NIPAL2: variants seen among roughly 807,000 people sequenced by gnomAD.
NIPAL2 encodes NIPA-like protein 2.
A neutral mutation model predicts 48.9 loss-of-function variants in NIPAL2; 43 were observed. That is an observed-to-expected ratio of 0.88 (90% CI 0.69 to 1.13). The LOEUF is 1.13. NIPAL2 is among the 50% of genes most tolerant of loss of function. The pLI is 0.00. For synonymous variants in NIPAL2, 167 were observed against 174.6 expected (o/e 0.96, Z 0.34); for missense variants, 446 against 461.4 (o/e 0.97, Z 0.31).
chr8:98,284,670 C>T (rs549419568), intron 1 of NIPAL2, among the ~76,000 whole-genome samples: 3 of 152,188 alleles, frequency 2.0e-5, no homozygotes, highest in East Asian at 1.9e-4. Flanking sequence ...AGCCCTGGAA[C>T]GATCAGAGCC....
chr8:98,273,698 C>T (rs1470205793), intron 1 of NIPAL2, among the ~76,000 whole-genome samples: 8 of 151,904 alleles, frequency 5.3e-5, no homozygotes, highest in South Asian at 2.1e-4. Context: ...AAATATATTT[C>T]TTCCTTAGAT....
rs563540314 is a variant in NIPAL2 at position 98,259,221 on chromosome 8, C to T, written c.136-5134G>A. Among the ~76,000 whole-genome samples, 22 of 150,358 alleles carry T rather than the reference C, an allele frequency of 1.5e-4. No homozygotes were observed. In the East Asian group the frequency reaches 1.8e-3, roughly 12 times the overall value. ...CCTCCCGTGTAGCTGGGACTACAGGCGCGCGCCACCATGCCCGGCTAATTT... is the reference window on the plus strand; with the variant it reads ...CCTCCCGTGTAGCTGGGACTACAGGTGCGCGCCACCATGCCCGGCTAATTT... On this transcript the variant is annotated intron_variant, in intron 1 of 10. Transcript: ENST00000430223.
chr8:98,251,641 A>G (rs1228525509), intron 3 of NIPAL2: 1 of 152,242 alleles, frequency 6.6e-6, no homozygotes. Context: ...ACATCGTTTC[A>G]GTTTAAATGA....
intron 4 of NIPAL2, among the ~76,000 whole-genome samples, chr8:98,223,971 C>T (rs1035682029): frequency 1.3e-5 from 2 of 151,988 alleles, no homozygotes; most frequent in African/African-American, 2.4e-5. Flanking sequence ...GGAAGAGATT[C>T]AAAAAAACTG....
chr8:98,234,163 A>G (rs1444913724), intron 4 of NIPAL2, among the ~76,000 whole-genome samples: 2 of 152,170 alleles, frequency 1.3e-5, no homozygotes, highest in African/African-American at 2.4e-5. Flanking sequence ...ACAATGAAGA[A>G]TGATCTGGCC....
At chr8:98,235,784 T>G (rs1812678588) in intron 4 of NIPAL2, among the ~76,000 whole-genome samples, 1 of 151,762 alleles carries the variant, frequency 6.6e-6, no homozygotes. Context: ...CTAAAGTATT[T>G]GTATTTTAAT....
rs188687948 is a variant in NIPAL2, at chr8:98,284,967, G to A, written c.135+9036C>T. Among the ~76,000 whole-genome samples the A allele has an allele frequency of 1.5e-3, 222 of 152,280 alleles. 1 individual carries two copies. Among genetic ancestry groups the A allele is most frequent in the Non-Finnish European group, 2.4e-3 (165 of 68,018 alleles). Reference sequence around the variant, plus strand: ...ATTTTTCTATCAGTAAGAATAAGTAGAGGCCTTTCTAGAATTCCTTGGGGG... The same window carrying A: ...ATTTTTCTATCAGTAAGAATAAGTAAAGGCCTTTCTAGAATTCCTTGGGGG... On this transcript the variant is annotated intron_variant, in intron 1 of 10. Coordinates refer to ENST00000430223, the MANE Select transcript of NIPAL2 (RefSeq NM_001321635.2).
chr8:98,267,887 T>G (rs1427059084), intron 1 of NIPAL2, among the ~76,000 whole-genome samples: 1 of 152,180 alleles, frequency 6.6e-6, no homozygotes, highest in Non-Finnish European at 1.5e-5. Context: ...TTTAGAGATT[T>G]AAAATTAGCC....
intron 8 of NIPAL2, among the ~76,000 whole-genome samples, chr8:98,198,949 TTTTTC>T (rs1400237273): frequency 2.0e-5 from 3 of 151,574 alleles, no homozygotes; most frequent in Admixed American, 1.3e-4. Flanking sequence ...TTTCTTTTTC[TTTTTC>T]TTTTCTTTTT....
rs575912497 is a variant in NIPAL2 at position 98,220,567 on chromosome 8, C to A, written c.558+1912G>T. Among the ~76,000 whole-genome samples the A allele has an allele frequency of 5.3e-5, 8 of 152,134 alleles. No individual in the cohort carries two copies. In the South Asian group the frequency reaches 1.0e-3, roughly 20 times the overall value. ...GGGACTGCAGGTGCATACTACCATG[C>A]CTGGCTAATTTTTAAAATTATTTGT... On this transcript the variant is annotated intron_variant, in intron 5 of 10. Transcript: ENST00000430223.
At chr8:98,264,206 T>C (rs1174121749) in intron 1 of NIPAL2, among the ~76,000 whole-genome samples, 87 of 143,506 alleles carry the variant, frequency 6.1e-4, no homozygotes, top group African/African-American at 2.1e-3. Context: ...AGCATTCCCT[T>C]TGAAAACTGG....
chr8:98,273,847 T>G (rs1815294464), intron 1 of NIPAL2, among the ~76,000 whole-genome samples: 1 of 152,106 alleles, frequency 6.6e-6, no homozygotes, highest in African/African-American at 2.4e-5. Flanking sequence ...CTAAGTACAC[T>G]GTCTGTCTCA....
intron 1 of NIPAL2, among the ~76,000 whole-genome samples, chr8:98,285,811 A>G (rs576174306): frequency 6.6e-6 from 1 of 152,258 alleles, no homozygotes; most frequent in South Asian, 2.1e-4. Flanking sequence ...TTCAAAGACC[A>G]GAAGAGAGAC....
At chr8:98,196,594 C>G (rs1810563860) in intron 8 of NIPAL2, among the ~76,000 whole-genome samples, 1 of 152,262 alleles carries the variant, frequency 6.6e-6, no homozygotes, top group African/African-American at 2.4e-5. Context: ...CAAAGGTAAA[C>G]AAGGATGCAT....
At chr8:98,243,002 G>A (rs576228148) in intron 3 of NIPAL2, among the ~76,000 whole-genome samples, 2 of 152,210 alleles carry the variant, frequency 1.3e-5, no homozygotes, top group Admixed American at 6.5e-5. Flanking sequence ...CCAAAGGGTG[G>A]TTCTGTAGGA....
chr8:98,290,976 T>C (rs115147870), intron 1 of NIPAL2, among the ~76,000 whole-genome samples: 334 of 152,334 alleles, frequency 2.2e-3, no homozygotes, highest in African/African-American at 7.7e-3. Flanking sequence ...TTGAAGCCTC[T>C]CTGCTGGTCA....
In NIPAL2 at chr8:98,196,095, T is replaced by C. The variant is rs1005547545; in HGVS notation, c.881-90A>G. On this transcript the variant is annotated intron_variant, in intron 8 of 10. Coordinates refer to ENST00000430223, the MANE Select transcript of NIPAL2 (RefSeq NM_001321635.2). ...TGTTTGTAAAATTATGTTAATATGT[T>C]ATTTTTTCAAAGTAAATTTAGTCAT... is the stretch of plus-strand genomic sequence containing the variant. 1.1e-5 allele frequency: 9 copies of C among 818,432 alleles called. No homozygotes were observed. The African/African-American group carries it at 1.4e-4, about 13-fold the overall frequency. The allele number at this position is 818,432 out of a possible 1,614,324, so 50.7% of individuals were successfully genotyped here. A position where few individuals can be genotyped will look rare whatever the true frequency, so the allele number is the denominator to read the frequency against.
chr8:98,223,124 T>G (rs1811990176), intron 4 of NIPAL2, among the ~76,000 whole-genome samples: 1 of 152,248 alleles, frequency 6.6e-6, no homozygotes, highest in Non-Finnish European at 1.5e-5. Flanking sequence ...AATGAGCATC[T>G]TTAATCACTG....
intron 8 of NIPAL2, among the ~76,000 whole-genome samples, chr8:98,202,774 G>A (rs998102461): frequency 6.6e-6 from 1 of 152,134 alleles, no homozygotes; most frequent in African/African-American, 2.4e-5. Context: ...CTAATCCAAG[G>A]GCTGGCAAGG....
Sources: allele counts gnomAD v4.1 joint callset (sites outside exome capture counted in the v4.1 genomes callset), GRCh38; gene constraint gnomAD v4.1.1; transcripts MANE v1.5; gene names NCBI Gene and HGNC (gene_info 2026-07-23, HGNC 2026-07-21).